The following TRPV3 variants were observed in gnomAD, a reference collection of about 807,000 sequenced individuals.
TRPV3 encodes the protein transient receptor potential cation channel subfamily V member 3.
Under a neutral mutation model 87.1 loss-of-function variants are expected in TRPV3, and 88 were observed. The observed-to-expected ratio is 1.01, with a 90% CI of 0.85 to 1.21. The LOEUF is 1.21. Among genes scored for constraint, TRPV3 ranks in the 50% most tolerant of loss-of-function variants. The probability of loss-of-function intolerance (pLI) is 0.00; values close to 1 mark genes in which losing one functional copy is unlikely to be tolerated. For missense variants in TRPV3, 1,054 were observed against 1,030.1 expected (o/e 1.02, Z -0.32); for synonymous variants, 438 against 423.3 (o/e 1.03, Z -0.43).
intron 4 of TRPV3, 127 bp from the exon 5 acceptor site, chr17:3,543,755 C>A: frequency 8.1e-7 from 1 of 1,237,242 alleles, no homozygotes; most frequent in Non-Finnish European, 1.1e-6. Flanking sequence ...TGTCACAATG[C>A]CTGCAAACTC....
intron 9 of TRPV3, among the ~76,000 whole-genome samples, chr17:3,529,659 C>T (rs1212288937): frequency 6.6e-6 from 1 of 152,144 alleles, no homozygotes; most frequent in Non-Finnish European, 1.5e-5. Flanking sequence ...GAATTCTAAG[C>T]CTGGCCGTAT....
At chr17:3,533,170 G>T (rs1025850024) in intron 7 of TRPV3, among the ~76,000 whole-genome samples, 7 of 152,148 alleles carry the variant, frequency 4.6e-5, no homozygotes, top group Non-Finnish European at 8.8e-5. Context: ...CAGCACAGCA[G>T]CCAGACCAAC....
chr17:3,556,225 A>T lies in TRPV3; in HGVS notation c.-2-1373T>A, dbSNP rs1207503780. ...ATAAAGTTTTTATTAAACATAAAAA[A>T]GGAGCTATGGCTGACCCCTGGGGGC... On this transcript the variant is annotated intron_variant, in intron 1 of 17. Coordinates refer to ENST00000576742, the MANE Select transcript of TRPV3 (RefSeq NM_145068.4). This position sits in a 1 kb window ranked among gnomAD's most constrained non-coding sequence, Gnocchi z 4.2. Among the ~76,000 whole-genome samples, 2 of 151,860 alleles carry T rather than the reference A, an allele frequency of 1.3e-5. No individual in the cohort carries two copies. Among genetic ancestry groups the T allele is most frequent in the Non-Finnish European group, 2.9e-5 (2 of 68,000 alleles).
rs779809554 is a variant in TRPV3 at position 3,514,013 on chromosome 17, T to C, written c.2279-2A>G. 5.6e-6 allele frequency: 9 copies of C among 1,608,646 alleles called. No individual in the cohort carries two copies. In the South Asian group the frequency reaches 9.9e-5, roughly 18 times the overall value. On this transcript the variant is annotated splice_acceptor_variant, in intron 17 of 17. Transcript: ENST00000576742. LOFTEE classifies it high-confidence loss of function. ...AAGAATCTTGGATTTTGTTGAAATC[T>C]GCTTTTTAAAAAAATATATATTTTA...
At chr17:3,521,156 C>T (rs1028377604) in intron 13 of TRPV3, 117 bp from the exon 14 acceptor site, 60 of 493,598 alleles carry the variant, frequency 1.2e-4, no homozygotes, top group Middle Eastern at 6.3e-4. Context: ...TCACTTGGGC[C>T]ACTCTCCCTT....
At position 3,528,962 on chromosome 17, in the gene TRPV3, G is replaced by C; in HGVS notation, c.1276C>G (p.His426Asp). 1 of 1,614,208 alleles carries C rather than the reference G, an allele frequency of 6.2e-7. No individual in the cohort carries two copies. The highest frequency in any genetic ancestry group is 8.5e-7 in the Non-Finnish European group (1 of 1,180,040). The change falls in exon 10 of 18, where the codon CAC (histidine) becomes GAC (aspartate). Residue 426 changes from histidine (H) to aspartate (D), a missense_variant. By Grantham distance (81) the His-to-Asp change is moderately conservative. Coordinates refer to ENST00000576742, the MANE Select transcript of TRPV3 (RefSeq NM_145068.4). This position sits in a 1 kb window ranked among gnomAD's most constrained non-coding sequence, Gnocchi z 4.2. ...RHEMLTLEPL[H>D]TLLHMKWKKF... Reference sequence around the variant, plus strand: ...TTCCACTTCATATGCAGCAGCGTGTGCAGCGGCTCCAGGGTCAGCATCTCA... The same window carrying C: ...TTCCACTTCATATGCAGCAGCGTGTCCAGCGGCTCCAGGGTCAGCATCTCA...
At chr17:3,542,401 C>T in intron 6 of TRPV3, 121 bp downstream of exon 6, 1 of 1,133,838 alleles carries the variant, frequency 8.8e-7, no homozygotes, top group East Asian at 2.5e-5. Context: ...TACCATGCTA[C>T]ATGCTTGGGG....
chr17:3,554,886 G>A (rs760270211), intron 1 of TRPV3, 34 bp from the exon 2 acceptor site: 22 of 1,447,578 alleles, frequency 1.5e-5, no homozygotes, highest in Admixed American at 1.1e-4. Flanking sequence ...TGCTCAGGCC[G>A]GGGGGACAGG....
intron 2 of TRPV3, among the ~76,000 whole-genome samples, chr17:3,549,551 A>G (rs2074553898): frequency 6.6e-6 from 1 of 152,240 alleles, no homozygotes; most frequent in South Asian, 2.1e-4. Flanking sequence ...ATAATGAGTG[A>G]AAGATGAATG....
At chr17:3,519,645 A>G (rs1597467555) in intron 14 of TRPV3, among the ~76,000 whole-genome samples, 14 of 97,382 alleles carry the variant, frequency 1.4e-4, no homozygotes, top group East Asian at 4.1e-4. Flanking sequence ...TAGATGGATG[A>G]TTAGATGGAT....
intron 12 of TRPV3, among the ~76,000 whole-genome samples, chr17:3,525,165 A>T (rs573013188): frequency 6.6e-6 from 1 of 151,690 alleles, no homozygotes; most frequent in Non-Finnish European, 1.5e-5. Flanking sequence ...GATTACAGGC[A>T]CCCGCCACCA....
Position 3,538,566 on chromosome 17 carries a change from CTTTAT to C in TRPV3, c.644-2858_644-2854del, listed in dbSNP as rs2074429170. On this transcript the variant is annotated intron_variant, in intron 6 of 17. Transcript: ENST00000576742. ...ACAAATTTGGCAATAACTATTATAACTTTATTTTATTTATTTAAAAAAAAATTTTT... is the reference window on the plus strand; with the variant it reads ...ACAAATTTGGCAATAACTATTATAACTTTATTTATTTAAAAAAAAATTTTT... 2.7e-5 allele frequency among the ~76,000 whole-genome samples: 4 copies of C among 149,810 alleles called. No homozygotes were observed. The South Asian group carries it at 6.3e-4, about 24-fold the overall frequency.
chr17:3,516,977 C>A (rs546350226), intron 15 of TRPV3, among the ~76,000 whole-genome samples: 4 of 152,100 alleles, frequency 2.6e-5, no homozygotes, highest in African/African-American at 9.6e-5. Context: ...AAAAGCCGGT[C>A]TCTACTAAAA....
chr17:3,514,130 G>A, intron 17 of TRPV3, 119 bp from the exon 18 acceptor site: 2 of 810,066 alleles, frequency 2.5e-6, no homozygotes, highest in South Asian at 1.9e-5. Context: ...CCAGGCTGCA[G>A]TGCAGTGGTG....
At chr17:3,542,467 C>T (rs1354710510) in intron 6 of TRPV3, 55 bp downstream of exon 6, 1 of 1,575,976 alleles carries the variant, frequency 6.3e-7, no homozygotes, top group Admixed American at 1.8e-5. Context: ...CCCTGTGGCC[C>T]CATACCCCAC....
In TRPV3 at chr17:3,529,064, T is replaced by G. The variant is rs2074326053; in HGVS notation, c.1243-69A>C. The G allele has an allele frequency of 3.2e-6, 5 of 1,569,342 alleles. No homozygotes were observed. The South Asian group carries it at 5.6e-5, about 18-fold the overall frequency. Reference sequence around the variant, plus strand: ...AGGGAGGGACCGTTTTCTAAAGGCCTGCGGGAGCTCTGAGTCAGTGCTGCA... The same window carrying G: ...AGGGAGGGACCGTTTTCTAAAGGCCGGCGGGAGCTCTGAGTCAGTGCTGCA... On this transcript the variant is annotated intron_variant, in intron 9 of 17. Coordinates refer to ENST00000576742, the MANE Select transcript of TRPV3 (RefSeq NM_145068.4).
rs768368352 is a variant in TRPV3, at chr17:3,511,576, A to G, written c.*2341T>C. 4 of 152,242 alleles carry G rather than the reference A, an allele frequency of 2.6e-5. No homozygotes were observed. The highest frequency in any genetic ancestry group is 5.9e-5 in the Non-Finnish European group (4 of 68,048). The allele number at this position is 152,242 out of a possible 1,614,324, so 9.4% of individuals were successfully genotyped here. On this transcript the variant is annotated 3_prime_UTR_variant, in exon 18 of 18. Transcript: ENST00000576742. ...TACCTAGGCTCAGACGTTTTGGCTG[A>G]AAGCCTTTTGGGGTGGACACTGTTG...
chr17:3,535,564 G>T lies in TRPV3; in HGVS notation c.784+9C>A, dbSNP rs1299886420. 1 of 1,585,086 alleles carries T rather than the reference G, an allele frequency of 6.3e-7. No homozygotes were observed. On this transcript the variant is annotated intron_variant, in intron 7 of 17. Transcript: ENST00000576742. ...CCCAGACTCCGCACCGGGCGGGGGC[G>T]GCACCCACCGAAGTAGAAGCCTTCG...
intron 6 of TRPV3, among the ~76,000 whole-genome samples, chr17:3,538,603 G>A (rs1456618064): frequency 6.9e-6 from 1 of 145,702 alleles, no homozygotes; most frequent in Non-Finnish European, 1.5e-5. Context: ...TTTTTTTTTT[G>A]AGATGGAGTC....
Sources: gnomAD v4.1 joint callset for allele counts (sites outside exome capture counted in the v4.1 genomes callset) on GRCh38, gnomAD v4.1.1 for gene constraint, Gnocchi (gnomAD v3.1) non-coding constraint, MANE v1.5 for transcripts, NCBI Gene and HGNC (gene_info 2026-07-23, HGNC 2026-07-21) for gene names.